Variants in OPRM1 observed in about 807,000 individuals in gnomAD.
The protein encoded by OPRM1 is opioid receptor mu 1.
Under a neutral mutation model 31.8 loss-of-function variants are expected in OPRM1, and 27 were observed. That is an observed-to-expected ratio of 0.85 (90% CI 0.63 to 1.17). OPRM1 has a LOEUF of 1.17. Ranked by LOEUF, OPRM1 falls within the 50% of genes most tolerant of loss-of-function variation. OPRM1 has a pLI of 0.00. For synonymous variants in OPRM1, 196 were observed against 189.9 expected (o/e 1.03, Z -0.26); for missense variants, 536 against 511.1 (o/e 1.05, Z -0.47).
chr6:154,101,300 T>A (rs1304604388), intron 3 of OPRM1, among the ~76,000 whole-genome samples: 1 of 152,154 alleles, frequency 6.6e-6, no homozygotes, highest in African/African-American at 2.4e-5. Flanking sequence ...GGTGTTCTTA[T>A]ATTCAAAATT....
chr6:154,179,121 A>G (rs1288746027), intron 3 of OPRM1, among the ~76,000 whole-genome samples: 1 of 152,184 alleles, frequency 6.6e-6, no homozygotes, highest in East Asian at 1.9e-4. Flanking sequence ...CATAAAATGA[A>G]CATCCAGTGG....
chr6:154,132,521 T>C (rs924533900), downstream of OPRM1, among the ~76,000 whole-genome samples: 3 of 152,200 alleles, frequency 2.0e-5, no homozygotes, highest in Admixed American at 1.3e-4. Context: ...CTTTCTCTCT[T>C]CATGAATTAT....
At chr6:154,221,969 T>C (rs1778902409) in intron 3 of OPRM1, among the ~76,000 whole-genome samples, 3 of 152,352 alleles carry the variant, frequency 2.0e-5, no homozygotes, top group South Asian at 2.1e-4. Context: ...ATAAATTCAA[T>C]TTTAAAGTGA....
chr6:154,238,239 G>A (rs1352255739), intron 3 of OPRM1, among the ~76,000 whole-genome samples: 1 of 152,054 alleles, frequency 6.6e-6, no homozygotes, highest in African/African-American at 2.4e-5. Context: ...CTCGTGCCAT[G>A]GTGGTAGGAA....
chr6:154,086,108 G>T (rs980923908), intron 1 of OPRM1, among the ~76,000 whole-genome samples: 1 of 152,116 alleles, frequency 6.6e-6, no homozygotes, highest in Non-Finnish European at 1.5e-5. Context: ...AAAGTGCTGG[G>T]ATTATAGGCT....
rs1176744152 is a variant in OPRM1, at chr6:154,118,695, G to T, written c.1177G>T (p.Glu393Ter). 6.2e-7 allele frequency: 1 copy of T among 1,613,128 alleles called. No homozygotes were observed. Among genetic ancestry groups the T allele is most frequent in the African/African-American group, 1.3e-5 (1 of 74,902 alleles). ...DRTNHQLENL[E>*]AETAPLP ...TCTCTCCTTTCAGCTAGAAAATCTG[G>T]AAGCAGAAACTGCTCCGTTGCCCTA... Residue 393 changes from glutamate (E) to a stop codon, truncating the protein, a stop_gained, in exon 4 of 4, where the codon GAA (glutamate) becomes TAA (stop). Transcript: ENST00000330432. LOFTEE classifies it high-confidence loss of function.
intron 3 of OPRM1, among the ~76,000 whole-genome samples, chr6:154,178,844 A>C (rs1800582163): frequency 6.6e-6 from 1 of 152,230 alleles, no homozygotes; most frequent in Non-Finnish European, 1.5e-5. Context: ...TCCTCAGAGA[A>C]AGCCTGGAAC....
chr6:154,114,890 C>A (rs866656955), intron 3 of OPRM1, among the ~76,000 whole-genome samples: 3,973 of 147,010 alleles, frequency 0.027, 96 homozygotes, highest in African/African-American at 0.065. Context: ...AAAAAAAAAA[C>A]AAAAAACTTG....
At chr6:154,237,262 C>G (rs946073233) in intron 3 of OPRM1, among the ~76,000 whole-genome samples, 2 of 152,232 alleles carry the variant, frequency 1.3e-5, no homozygotes, top group African/African-American at 4.8e-5. Context: ...ACACCCTCAC[C>G]ATTAACTCAT....
chr6:154,176,367 A>G (rs1045875319), intron 3 of OPRM1, among the ~76,000 whole-genome samples: 6 of 152,230 alleles, frequency 3.9e-5, no homozygotes, highest in African/African-American at 9.6e-5. Context: ...CAATTAGGAA[A>G]AGAGGAGGTC....
In OPRM1 at chr6:154,050,384, T is replaced by C. The variant is rs148932509; in HGVS notation, c.290+10550T>C. Among the ~76,000 whole-genome samples, 185 of 152,274 alleles carry C rather than the reference T, an allele frequency of 1.2e-3. 1 individual carries two copies. The highest frequency in any genetic ancestry group is 4.2e-3 in the African/African-American group (176 of 41,560). ...AGATTAATGGATAAAGAAAATGTGG[T>C]ACATAAACACAATGGTATACTACTA... is the stretch of plus-strand genomic sequence containing the variant. On this transcript the variant is annotated intron_variant, in intron 1 of 3. Transcript: ENST00000330432.
intron 3 of OPRM1, among the ~76,000 whole-genome samples, chr6:154,095,317 G>C (rs1259182814): frequency 6.6e-6 from 1 of 152,020 alleles, no homozygotes; most frequent in Non-Finnish European, 1.5e-5. Context: ...AAGAAAGAAA[G>C]TACTTCCAAA....
intron 3 of OPRM1, among the ~76,000 whole-genome samples, chr6:154,209,856 C>T (rs543468456): frequency 2.6e-5 from 4 of 152,052 alleles, no homozygotes; most frequent in African/African-American, 4.8e-5. Context: ...GTTTATCTGA[C>T]GATTTCCAAT....
intron 3 of OPRM1, among the ~76,000 whole-genome samples, chr6:154,232,157 G>GA (rs1779773027): frequency 6.6e-6 from 1 of 152,128 alleles, no homozygotes; most frequent in Non-Finnish European, 1.5e-5. Context: ...CTTCCTTTCA[G>GA]AAAAGGAAAT....
chr6:154,180,414 AT>A (rs761333730), intron 3 of OPRM1, among the ~76,000 whole-genome samples: 34 of 65,266 alleles, frequency 5.2e-4, no homozygotes, highest in Non-Finnish European at 7.2e-4. Flanking sequence ...ATATATATAT[AT>A]TTTTTTTTTA....
chr6:154,023,080 T>C (rs112665397), intron 1 of OPRM1, among the ~76,000 whole-genome samples: 1 of 152,248 alleles, frequency 6.6e-6, no homozygotes, highest in African/African-American at 2.4e-5. Context: ...TGTCTCTTTC[T>C]GTGAAGAATG....
intron 3 of OPRM1, among the ~76,000 whole-genome samples, chr6:154,171,810 T>TA (rs1185190096): frequency 2.0e-5 from 3 of 152,172 alleles, no homozygotes; most frequent in Non-Finnish European, 4.4e-5. Context: ...ATTGAAGACT[T>TA]AGAGTTTTCA....
intron 3 of OPRM1, among the ~76,000 whole-genome samples, chr6:154,161,013 C>G (rs1798969592): frequency 6.6e-6 from 1 of 152,144 alleles, no homozygotes; most frequent in South Asian, 2.1e-4. Flanking sequence ...TTTGTTGATA[C>G]TCTGCTTCCT....
chr6:154,033,865 C>T (rs927265726), intron 1 of OPRM1, among the ~76,000 whole-genome samples: 1 of 152,034 alleles, frequency 6.6e-6, no homozygotes, highest in Non-Finnish European at 1.5e-5. Context: ...AGTTAAATGG[C>T]TTTTTCACTG....
Sources: gnomAD v4.1 joint callset for allele counts (sites outside exome capture counted in the v4.1 genomes callset) on GRCh38, gnomAD v4.1.1 for gene constraint, MANE v1.5 for transcripts, NCBI Gene and HGNC (gene_info 2026-07-23, HGNC 2026-07-21) for gene names.